The following SDK1 variants were observed in gnomAD, a reference collection of about 807,000 sequenced individuals.
SDK1 encodes protein sidekick-1.
A neutral mutation model predicts 245.5 loss-of-function variants in SDK1; 157 were observed. The observed-to-expected ratio is 0.64, with a 90% CI of 0.56 to 0.73. SDK1 has a LOEUF of 0.73. Among genes scored for constraint, SDK1 ranks in the 30% least tolerant of loss-of-function variants. The probability of loss-of-function intolerance (pLI) is 0.00; values close to 1 mark genes in which losing one functional copy is unlikely to be tolerated. For missense variants in SDK1, 3,583 were observed against 3,002.3 expected (o/e 1.19, Z -4.52); for synonymous variants, 1,647 against 1,278.5 (o/e 1.29, Z -6.15).
intron 41 of SDK1, among the ~76,000 whole-genome samples, 171 bp downstream of exon 41, chr7:4,233,590 T>A (rs1158058504): frequency 6.6e-6 from 1 of 151,530 alleles, no homozygotes; most frequent in Non-Finnish European, 1.5e-5. Flanking sequence ...AGAAATGGGG[T>A]CGAGGGGGAC....
chr7:3,837,591 GGAGA>G (rs1780055432), intron 5 of SDK1, among the ~76,000 whole-genome samples: 1 of 152,134 alleles, frequency 6.6e-6, no homozygotes, highest in African/African-American at 2.4e-5. Context: ...CTTCCCATTT[GGAGA>G]GAAATGTTTC....
chr7:3,683,026 G>T (rs1056912228), intron 4 of SDK1, among the ~76,000 whole-genome samples: 1 of 152,118 alleles, frequency 6.6e-6, no homozygotes, highest in South Asian at 2.1e-4. Context: ...GAGCTACCAC[G>T]CGCGGCCTGG....
chr7:4,236,196 C>A (rs538983923), intron 41 of SDK1, among the ~76,000 whole-genome samples: 1 of 152,292 alleles, frequency 6.6e-6, no homozygotes, highest in Non-Finnish European at 1.5e-5. Flanking sequence ...TGAGCCAATG[C>A]CTGGGCTTTG....
At chr7:3,876,409 A>G (rs2115141956) in intron 5 of SDK1, among the ~76,000 whole-genome samples, 1 of 152,280 alleles carries the variant, frequency 6.6e-6, no homozygotes, top group Middle Eastern at 3.4e-3. Flanking sequence ...GAATCATCAC[A>G]TCAACTTCTT....
chr7:3,409,766 G>T (rs1779149526), intron 1 of SDK1, among the ~76,000 whole-genome samples: 1 of 152,136 alleles, frequency 6.6e-6, no homozygotes, highest in African/African-American at 2.4e-5. Flanking sequence ...ATTTAGGTGG[G>T]CTGTGGTGGG....
chr7:4,079,378 T>C (rs1298129540), intron 21 of SDK1, 85 bp from the exon 22 acceptor site: 4 of 1,510,708 alleles, frequency 2.6e-6, no homozygotes, highest in Non-Finnish European at 3.6e-6. Context: ...TGAAACTGTT[T>C]ACTTTTGAAG....
intron 22 of SDK1, among the ~76,000 whole-genome samples, chr7:4,109,576 T>C (rs574764192): frequency 1.3e-5 from 2 of 152,340 alleles, no homozygotes; most frequent in South Asian, 2.1e-4. Context: ...TCTGTGTCCC[T>C]TGGGTCCCCC....
intron 20 of SDK1, among the ~76,000 whole-genome samples, chr7:4,076,273 A>G (rs954927767): frequency 2.6e-5 from 4 of 152,202 alleles, no homozygotes; most frequent in Admixed American, 2.6e-4. Context: ...CAAAAATGAA[A>G]TGATTGGCCG....
At chr7:3,966,083 A>T (rs1168092355) in intron 9 of SDK1, among the ~76,000 whole-genome samples, 1 of 152,056 alleles carries the variant, frequency 6.6e-6, no homozygotes, top group Non-Finnish European at 1.5e-5. Flanking sequence ...TTCAAAGGGC[A>T]GCCCAAGGCT....
chr7:4,023,249 C>G (rs1223384384), intron 17 of SDK1, among the ~76,000 whole-genome samples: 1 of 152,166 alleles, frequency 6.6e-6, no homozygotes, highest in Non-Finnish European at 1.5e-5. Context: ...CCACCATCCC[C>G]CATTATCTTG....
intron 5 of SDK1, among the ~76,000 whole-genome samples, chr7:3,925,822 T>G (rs1779747738): frequency 6.6e-6 from 1 of 152,178 alleles, no homozygotes; most frequent in African/African-American, 2.4e-5. Flanking sequence ...CCCACCATGC[T>G]GAAAAACATA....
chr7:3,457,290 T>C (rs913670331), intron 1 of SDK1, among the ~76,000 whole-genome samples: 1 of 152,210 alleles, frequency 6.6e-6, no homozygotes, highest in Non-Finnish European at 1.5e-5. Context: ...CATTACGTTG[T>C]CCCTTCAGTC....
At chr7:3,866,209 A>G (rs1253399965) in intron 5 of SDK1, among the ~76,000 whole-genome samples, 6 of 152,180 alleles carry the variant, frequency 3.9e-5, no homozygotes, top group Non-Finnish European at 8.8e-5. Context: ...CACACTGAAG[A>G]GCTGATTCAC....
chr7:3,818,964 C>T (rs184226001), intron 4 of SDK1, among the ~76,000 whole-genome samples: 15 of 152,212 alleles, frequency 9.9e-5, no homozygotes, highest in African/African-American at 2.6e-4. Flanking sequence ...AAATCAGGGC[C>T]GCTAAGAAAG....
intron 4 of SDK1, among the ~76,000 whole-genome samples, chr7:3,738,610 T>C (rs1779386914): frequency 6.6e-6 from 1 of 152,240 alleles, no homozygotes. Context: ...GTATTAAATC[T>C]GTAAATCATT....
chr7:3,869,644 A>G (rs189010762), intron 5 of SDK1, among the ~76,000 whole-genome samples: 25 of 152,050 alleles, frequency 1.6e-4, no homozygotes, highest in African/African-American at 5.1e-4. Flanking sequence ...GGCCACATCT[A>G]TTTTTCTTGC....
At chr7:3,334,013 A>T (rs1780136151) in intron 1 of SDK1, among the ~76,000 whole-genome samples, 1 of 152,080 alleles carries the variant, frequency 6.6e-6, no homozygotes, top group South Asian at 2.1e-4. Context: ...GCTACATCAC[A>T]CTTAGTTTCT....
intron 5 of SDK1, among the ~76,000 whole-genome samples, chr7:3,869,404 C>A (rs1780903740): frequency 6.6e-6 from 1 of 152,098 alleles, no homozygotes. Context: ...GATCTGCCTG[C>A]CTCGGCCTCC....
chr7:3,498,308 G>A (rs2128607236), intron 1 of SDK1, among the ~76,000 whole-genome samples: 1 of 152,274 alleles, frequency 6.6e-6, no homozygotes, highest in South Asian at 2.1e-4. Flanking sequence ...AACTTAGGTA[G>A]ACTTCGGTTC....
Sources: allele counts gnomAD v4.1 joint callset (sites outside exome capture counted in the v4.1 genomes callset), GRCh38; gene constraint gnomAD v4.1.1; transcripts MANE v1.5; gene names NCBI Gene and HGNC (gene_info 2026-07-23, HGNC 2026-07-21).